Variants in PPFIA2 observed in about 807,000 individuals in gnomAD.
PPFIA2 encodes liprin-alpha-2.
PPFIA2 carries 46 observed loss-of-function variants against 175.5 expected under a neutral mutation model. The ratio of observed to expected loss-of-function variants is 0.26; its 90% CI spans 0.21 to 0.34. PPFIA2 has a LOEUF of 0.34. Among genes scored for constraint, PPFIA2 ranks in the 10% least tolerant of loss-of-function variants. The pLI, the probability that PPFIA2 is intolerant of heterozygous loss-of-function variation, is 1.00. For synonymous variants in PPFIA2, 568 were observed against 511.4 expected (o/e 1.11, Z -1.49); for missense variants, 1,179 against 1,506.1 (o/e 0.78, Z 3.60).
chr12:81,721,244 G>T (rs1300739553), intron 3 of PPFIA2, among the ~76,000 whole-genome samples: 1 of 151,208 alleles, frequency 6.6e-6, no homozygotes, highest in Non-Finnish European at 1.5e-5. Context: ...GGTTTTCCTA[G>T]AAAAATTTCC....
At chr12:81,394,391 A>C (rs2040712571) in intron 8 of PPFIA2, among the ~76,000 whole-genome samples, 1 of 152,006 alleles carries the variant, frequency 6.6e-6, no homozygotes, top group African/African-American at 2.4e-5. Context: ...AATAATGAAC[A>C]CTAATCAAGT....
chr12:81,418,984 T>C (rs1448696458), intron 7 of PPFIA2, among the ~76,000 whole-genome samples: 1 of 152,026 alleles, frequency 6.6e-6, no homozygotes, highest in African/African-American at 2.4e-5. Flanking sequence ...TAAAATTGAA[T>C]GTCAATTGCA....
At chr12:81,679,441 T>C (rs969285440) in intron 3 of PPFIA2, among the ~76,000 whole-genome samples, 1 of 151,896 alleles carries the variant, frequency 6.6e-6, no homozygotes. Context: ...CATTTTCTCA[T>C]ATTTTGTAAA....
intron 3 of PPFIA2, among the ~76,000 whole-genome samples, chr12:81,694,715 C>T (rs1286738262): frequency 1.3e-5 from 2 of 152,148 alleles, no homozygotes; most frequent in South Asian, 2.1e-4. Flanking sequence ...GAGAGAGAGG[C>T]TACCACCCTC....
At chr12:81,640,579 T>C (rs2064827360) in intron 4 of PPFIA2, among the ~76,000 whole-genome samples, 1 of 152,160 alleles carries the variant, frequency 6.6e-6, no homozygotes, top group Non-Finnish European at 1.5e-5. Context: ...ATGACTTCTA[T>C]CTAAAACTCC....
chr12:81,281,151 A>G, intron 27 of PPFIA2, 106 bp downstream of exon 27: 1 of 852,714 alleles, frequency 1.2e-6, no homozygotes. Flanking sequence ...TTCAAATGAC[A>G]TATATTTTCT....
At chr12:81,616,674 T>A (rs1054392256) in intron 4 of PPFIA2, among the ~76,000 whole-genome samples, 1 of 152,170 alleles carries the variant, frequency 6.6e-6, no homozygotes, top group Non-Finnish European at 1.5e-5. Context: ...ATTTCTTTAA[T>A]TTGTCTTTCT....
intron 3 of PPFIA2, among the ~76,000 whole-genome samples, chr12:81,682,355 C>T (rs1031322474): frequency 2.0e-5 from 3 of 151,964 alleles, no homozygotes; most frequent in Non-Finnish European, 4.4e-5. Flanking sequence ...AATTCTAGCC[C>T]CAGAACTGTG....
chr12:81,562,733 G>T (rs1031985440), intron 4 of PPFIA2, among the ~76,000 whole-genome samples: 4 of 148,002 alleles, frequency 2.7e-5, no homozygotes, highest in Non-Finnish European at 6.0e-5. Context: ...TGTAGTCCCA[G>T]CTACTTGGGA....
intron 25 of PPFIA2, among the ~76,000 whole-genome samples, chr12:81,283,794 G>T (rs1255781948): frequency 3.3e-5 from 5 of 151,674 alleles, no homozygotes; most frequent in African/African-American, 7.3e-5. Flanking sequence ...CACTTTTTTG[G>T]TTTTTTGGGG....
intron 4 of PPFIA2, among the ~76,000 whole-genome samples, chr12:81,539,922 A>G (rs2065951887): frequency 6.6e-6 from 1 of 152,038 alleles, no homozygotes; most frequent in Non-Finnish European, 1.5e-5. Flanking sequence ...CACTAAGTTC[A>G]ATTTCTTTCC....
rs548896757 is a variant in PPFIA2, at chr12:81,736,347, T to C, written c.249+17626A>G. Among the ~76,000 whole-genome samples, 4 of 152,148 alleles carry C rather than the reference T, an allele frequency of 2.6e-5. No homozygotes were observed. The East Asian group carries it at 7.7e-4, about 29-fold the overall frequency. On this transcript the variant is annotated intron_variant, in intron 3 of 32. Transcript: ENST00000549396. ...GTTGTTTTAACTTCATTTTTGATCA[T>C]TCTTCGATACTGTACCAAAGTACAA...
rs369738853 is a variant in PPFIA2, at chr12:81,532,429, C to T, written c.304-74563G>A. Among the ~76,000 whole-genome samples the T allele has an allele frequency of 7.2e-4, 110 of 151,888 alleles. 2 individuals are homozygous for T. Among genetic ancestry groups the T allele is most frequent in the African/African-American group, 2.5e-3 (104 of 41,504 alleles). ...CCAGTTGCCATGAGGTCAAGTAGTCCTTTCACTACCATCCTTGGATTTTGT... is the reference window on the plus strand; with the variant it reads ...CCAGTTGCCATGAGGTCAAGTAGTCTTTTCACTACCATCCTTGGATTTTGT... On this transcript the variant is annotated intron_variant, in intron 4 of 32. Transcript: ENST00000549396.
chr12:81,267,205 T>A (rs1454409330), intron 29 of PPFIA2, 185 bp from the exon 30 acceptor site: 4 of 584,264 alleles, frequency 6.8e-6, no homozygotes, highest in Middle Eastern at 3.0e-4. Flanking sequence ...GGGCTTTTTT[T>A]TTTTTTTCTG....
chr12:81,522,322 A>T, intron 4 of PPFIA2, among the ~76,000 whole-genome samples: 1 of 152,238 alleles, frequency 6.6e-6, no homozygotes, highest in East Asian at 1.9e-4. Context: ...TGTGGATTTT[A>T]TAGATACACT....
chr12:81,274,759 C>A lies in PPFIA2; in HGVS notation c.3310+2558G>T, dbSNP rs574497560. Among the ~76,000 whole-genome samples, 3 of 152,296 alleles carry A rather than the reference C, an allele frequency of 2.0e-5. No homozygotes were observed. The East Asian group carries it at 5.8e-4, about 29-fold the overall frequency. ...AATTCACACTTCAGATAATAAGAGA[C>A]CCCTAGTCACTGTTGAGAATTATTC... On this transcript the variant is annotated intron_variant, in intron 28 of 32. Transcript: ENST00000549396.
intron 4 of PPFIA2, among the ~76,000 whole-genome samples, chr12:81,523,719 A>G (rs531810735): frequency 1.3e-5 from 2 of 152,276 alleles, no homozygotes; most frequent in East Asian, 3.9e-4. Context: ...AGGAACGCTT[A>G]GAACACGAAA....
At chr12:81,403,142 G>T (rs2042346282) in intron 8 of PPFIA2, among the ~76,000 whole-genome samples, 1 of 152,126 alleles carries the variant, frequency 6.6e-6, no homozygotes, top group South Asian at 2.1e-4. Context: ...TAATCATAAT[G>T]TTTAAAAACC....
intron 4 of PPFIA2, among the ~76,000 whole-genome samples, chr12:81,515,174 T>C (rs114289898): frequency 0.024 from 3,587 of 152,072 alleles, 136 homozygotes; most frequent in African/African-American, 0.081. Context: ...ACTTTATTTA[T>C]AATGAACAGT....
Sources: allele counts gnomAD v4.1 joint callset (sites outside exome capture counted in the v4.1 genomes callset), GRCh38; gene constraint gnomAD v4.1.1; transcripts MANE v1.5; gene names NCBI Gene and HGNC (gene_info 2026-07-23, HGNC 2026-07-21).